Variants in ILK observed in about 807,000 individuals in gnomAD.
ILK encodes scaffold protein ILK.
ILK carries 37 observed loss-of-function variants against 57.8 expected under a neutral mutation model. That is an observed-to-expected ratio of 0.64 (90% CI 0.49 to 0.84). ILK has a LOEUF of 0.84. Ranked by LOEUF, ILK falls within the 40% of genes least tolerant of loss-of-function variation. The pLI is 0.00. For missense variants in ILK, 528 were observed against 595.7 expected, an observed-to-expected ratio of 0.89 and a Z score of 1.18; for synonymous variants, 231 against 202.2, an observed-to-expected ratio of 1.14 and a Z score of -1.21.
At position 6,609,620 on chromosome 11, in the gene ILK, T is replaced by G; in HGVS notation, c.837T>G (p.Asn279Lys). The G allele has an allele frequency of 6.2e-7, 1 of 1,614,146 alleles. No individual in the cohort carries two copies. The highest frequency in any genetic ancestry group is 2.2e-5 in the East Asian group (1 of 44,882). The change falls in exon 9 of 13, where the codon AAT becomes AAG. Residue 279 changes from asparagine to lysine, a missense_variant. By Grantham distance (94) the Asn-to-Lys change is moderately conservative. Transcript: ENST00000299421. ...GGATGCCGTATGGATCCCTCTACAA[T>G]GTACTACATGAAGGCACCAGTGAGT... The part of the protein sequence containing the change: ...THWMPYGSLY[N>K]VLHEGTNFVV...
chr11:6,606,327 G>A (rs1413539391), intron 2 of ILK: 1 of 152,224 alleles, frequency 6.6e-6, no homozygotes, highest in Non-Finnish European at 1.5e-5. Context: ...TTTAAAATTG[G>A]TGGAGTTTAG....
At chr11:6,609,691 T>C in intron 9 of ILK, 33 bp from the exon 10 acceptor site, 2 of 1,614,148 alleles carry the variant, frequency 1.2e-6, no homozygotes, top group Non-Finnish European at 1.7e-6. Flanking sequence ...AGAGGGAGCC[T>C]CTCTGAACTA....
In ILK at chr11:6,604,588, A is replaced by G. The variant is rs1854642432; in HGVS notation, c.89+228A>G. 1.1e-5 allele frequency: 7 copies of G among 618,928 alleles called. No homozygotes were observed. In the South Asian group the frequency reaches 1.3e-4, roughly 11 times the overall value. 38.3% of individuals were successfully genotyped at this position (618,928 alleles called of 1,614,324 possible). A position where few individuals can be genotyped will look rare whatever the true frequency, so the allele number is the denominator to read the frequency against. ...AGGCTACAGAGAGCTTTCCAGCCTC[A>G]GTAGACTGCATGGCCAAAGGCTAGG... On this transcript the variant is annotated intron_variant, in intron 2 of 12. Coordinates refer to ENST00000299421, the MANE Select transcript of ILK (RefSeq NM_004517.4).
chr11:6,608,824 C>T lies in ILK; in HGVS notation c.448+34C>T, dbSNP rs1457715366. On this transcript the variant is annotated intron_variant, in intron 5 of 12. Coordinates refer to ENST00000299421, the MANE Select transcript of ILK (RefSeq NM_004517.4). This position sits in a 1 kb window ranked among gnomAD's most constrained non-coding sequence, Gnocchi z 4.9. ...CCCCATCCCCTAGCTTGTGTCCTCT[C>T]GTCCCTTCCCACCTGTCTTCTCCCT... 1.4e-5 allele frequency: 22 copies of T among 1,611,934 alleles called. No homozygotes were observed. Among genetic ancestry groups the T allele is most frequent in the East Asian group, 2.2e-5 (1 of 44,876 alleles).
chr11:6,608,629 T>C lies in ILK; in HGVS notation c.352-65T>C, dbSNP rs745689134. 1.5e-5 allele frequency: 21 copies of C among 1,413,184 alleles called. No homozygotes were observed. Among genetic ancestry groups the C allele is most frequent in the Middle Eastern group, 3.5e-4 (2 of 5,660 alleles). The allele number at this position is 1,413,184 out of a possible 1,614,324, so 87.5% of individuals were successfully genotyped here. A position where few individuals can be genotyped will look rare whatever the true frequency, so the allele number is the denominator to read the frequency against. On this transcript the variant is annotated intron_variant, in intron 4 of 12. Coordinates refer to ENST00000299421, the MANE Select transcript of ILK (RefSeq NM_004517.4). This position sits in a 1 kb window ranked among gnomAD's most constrained non-coding sequence, Gnocchi z 4.9. ...ATTAAGTTCTACATTTGTGCATTCA[T>C]GGTTGGTTCAGTGACTGCCAGCGAG... is the stretch of plus-strand genomic sequence containing the variant.
chr11:6,607,839 G>A (rs1427639904), intron 2 of ILK: 10 of 593,138 alleles, frequency 1.7e-5, no homozygotes, highest in Non-Finnish European at 2.1e-5. Context: ...TTTTATAGAG[G>A]TTGTTGAGAT....
Position 6,604,335 on chromosome 11 carries a change from A to G in ILK, c.64A>G (p.Asn22Asp). The change falls in exon 2 of 13, where the codon AAC becomes GAC. Residue 22 changes from asparagine to aspartate, a missense_variant. Physicochemically the swap from Asn to Asp is conservative, Grantham distance 23. Coordinates refer to ENST00000299421, the MANE Select transcript of ILK (RefSeq NM_004517.4). ...NAVAVRLWLD[N>D]TENDLNQGDD... is the part of the protein sequence containing the mutation. ...AGTCGCCGTTCGCCTGTGGCTGGAC[A>G]ACACGGAGAACGACCTCAACCAGGG... 2 of 1,611,602 alleles carry G rather than the reference A, an allele frequency of 1.2e-6. No individual in the cohort carries two copies. The highest frequency in any genetic ancestry group is 1.7e-6 in the Non-Finnish European group (2 of 1,179,058).
chr11:6,610,819 C>A lies in ILK; in HGVS notation c.*208C>A. 6.9e-7 allele frequency: 1 copy of A among 1,445,364 alleles called. No homozygotes were observed. The highest frequency in any genetic ancestry group is 1.2e-5 in the South Asian group (1 of 84,752). 89.5% of individuals were successfully genotyped at this position (1,445,364 alleles called of 1,614,324 possible). On this transcript the variant is annotated 3_prime_UTR_variant, in exon 13 of 13. Transcript: ENST00000299421. ...TTTGTCACTTGCCACATGGTGTCTC[C>A]CAACATGGGAGGGATCAGCCCCGCC...
intron 1 of ILK, 108 bp from the exon 2 acceptor site, chr11:6,604,072 G>A (rs1854571935): frequency 1.6e-6 from 1 of 631,934 alleles, no homozygotes; most frequent in Admixed American, 2.4e-5. Flanking sequence ...GCGTCTAGAG[G>A]ACACAGCCAG....
At position 6,609,805 on chromosome 11, in the gene ILK, C is replaced by T; in HGVS notation, c.938C>T (p.Pro313Leu). 6.2e-7 allele frequency: 1 copy of T among 1,614,186 alleles called. No homozygotes were observed. Among genetic ancestry groups the T allele is most frequent in the Non-Finnish European group, 8.5e-7 (1 of 1,180,020 alleles). Residue 313 changes from proline (P) to leucine (L), a missense_variant, in exon 10 of 13, where the codon CCC (proline) becomes CTC (leucine). By Grantham distance (98) the Pro-to-Leu change is moderately conservative. Coordinates refer to ENST00000299421, the MANE Select transcript of ILK (RefSeq NM_004517.4). ...RGMAFLHTLE[P>L]LIPRHALNSR... is the part of the protein sequence containing the mutation. ...ATGGCCTTCCTACACACACTAGAGCCCCTCATCCCACGACATGCACTCAAT... is the reference window on the plus strand; with the variant it reads ...ATGGCCTTCCTACACACACTAGAGCTCCTCATCCCACGACATGCACTCAAT...
Position 6,609,517 on chromosome 11 carries a change from T to A in ILK, c.734T>A (p.Phe245Tyr), listed in dbSNP as rs869025438. 6 of 1,614,024 alleles carry A rather than the reference T, an allele frequency of 3.7e-6. No homozygotes were observed. In the African/African-American group the frequency reaches 6.7e-5, roughly 18 times the overall value. The part of the protein sequence containing the change: ...FNEECPRLRI[F>Y]SHPNVLPVLG... Reference sequence around the variant, plus strand: ...CCACTCCCTCCCTCTTCTAGGATTTTCTCGCATCCAAATGTGCTCCCAGTG... The same window carrying A: ...CCACTCCCTCCCTCTTCTAGGATTTACTCGCATCCAAATGTGCTCCCAGTG... Residue 245 changes from phenylalanine to tyrosine, a missense_variant, in exon 9 of 13, where the codon TTC becomes TAC. Physicochemically the swap from Phe to Tyr is conservative, Grantham distance 22 (BLOSUM62 3). Coordinates refer to ENST00000299421, the MANE Select transcript of ILK (RefSeq NM_004517.4).
Position 6,608,211 on chromosome 11 carries a change from G to A in ILK, c.255G>A (p.Lys85=). ...ATGGACACCGTGATATTGTACAGAAGGTACGTACAAACTCCTTCGTCATCC... is the reference window on the plus strand; with the variant it reads ...ATGGACACCGTGATATTGTACAGAAAGTACGTACAAACTCCTTCGTCATCC... The part of the protein sequence containing the change: ...ASHGHRDIVQ[K]LLQYKADINA... The change falls in exon 3 of 13, where the codon AAG becomes AAA. Residue 85 remains lysine, a splice_region_variant and synonymous_variant. Transcript: ENST00000299421. The surrounding 1 kb of genome is among the most constrained non-coding windows in gnomAD (Gnocchi z 4.9). The A allele has an allele frequency of 6.2e-7, 1 of 1,614,158 alleles. No homozygotes were observed. Among genetic ancestry groups the A allele is most frequent in the Non-Finnish European group, 8.5e-7 (1 of 1,180,008 alleles).
chr11:6,607,454 C>G (rs1182655517), intron 2 of ILK: 3 of 159,522 alleles, frequency 1.9e-5, no homozygotes, highest in African/African-American at 2.4e-5. Flanking sequence ...CAACATAAAC[C>G]CTTCCAAAAC....
chr11:6,609,222 T>G, intron 7 of ILK, 66 bp downstream of exon 7: 1 of 1,602,580 alleles, frequency 6.2e-7, no homozygotes, highest in East Asian at 2.2e-5. Context: ...TGTACCTGTT[T>G]TAAGTTTTTC....
chr11:6,603,989 C>T, intron 1 of ILK, 167 bp downstream of exon 1: 1 of 561,484 alleles, frequency 1.8e-6, no homozygotes, highest in Middle Eastern at 4.8e-4. Flanking sequence ...GTCTAGTTGC[C>T]TGCTCTCGGA....
chr11:6,603,908 C>A (rs762943270), intron 1 of ILK, 86 bp downstream of exon 1: 16 of 442,062 alleles, frequency 3.6e-5, no homozygotes, highest in Non-Finnish European at 5.0e-5. Flanking sequence ...TGGGGAGGAC[C>A]CCCGGTCCCC....
rs553103939 is a variant in ILK, at chr11:6,610,133, G to C, written c.1079-15G>C. 9 of 1,614,216 alleles carry C rather than the reference G, an allele frequency of 5.6e-6. No homozygotes were observed. In the East Asian group the frequency reaches 6.7e-5, roughly 12 times the overall value. Reference sequence around the variant, plus strand: ...CAGGCAAGGGGGCCAGAACAGACAAGCCCTATCTCTCCAGCTCTGCAGAAG... The same window carrying C: ...CAGGCAAGGGGGCCAGAACAGACAACCCCTATCTCTCCAGCTCTGCAGAAG... On this transcript the variant is annotated splice_polypyrimidine_tract_variant and intron_variant, in intron 11 of 12. Transcript: ENST00000299421.
Position 6,610,511 on chromosome 11 carries a change from A to G in ILK, c.1259A>G (p.His420Arg), listed in dbSNP as rs1300196118. 6.2e-7 allele frequency: 1 copy of G among 1,614,140 alleles called. No individual in the cohort carries two copies. Among genetic ancestry groups the G allele is most frequent in the East Asian group, 2.2e-5 (1 of 44,878 alleles). ...RPTIPPGISP[H>R]VCKLMKICMN... is the part of the protein sequence containing the mutation. Reference sequence around the variant, plus strand: ...ACCATCCCACCAGGTATTTCCCCTCATGTGTGTAAGCTCATGAAGATCTGC... The same window carrying G: ...ACCATCCCACCAGGTATTTCCCCTCGTGTGTGTAAGCTCATGAAGATCTGC... Residue 420 changes from histidine (H) to arginine (R), a missense_variant, in exon 13 of 13, where the codon CAT becomes CGT. By Grantham distance (29) the His-to-Arg change is conservative. Coordinates refer to ENST00000299421, the MANE Select transcript of ILK (RefSeq NM_004517.4).
chr11:6,608,853 T>A lies in ILK; in HGVS notation c.449-31T>A. 1.2e-6 allele frequency: 2 copies of A among 1,613,722 alleles called. No individual in the cohort carries two copies. Among genetic ancestry groups the A allele is most frequent in the Non-Finnish European group, 1.7e-6 (2 of 1,179,610 alleles). ...CCTTCCCACCTGTCTTCTCCCTCTG[T>A]ACCACAGCTTAGGTTGTTTTTCTTC... On this transcript the variant is annotated intron_variant, in intron 5 of 12. Coordinates refer to ENST00000299421, the MANE Select transcript of ILK (RefSeq NM_004517.4). The surrounding 1 kb of genome is among the most constrained non-coding windows in gnomAD (Gnocchi z 4.9).
Sources: allele counts gnomAD v4.1 joint callset, GRCh38; gene constraint gnomAD v4.1.1; non-coding constraint Gnocchi (gnomAD v3.1); transcripts MANE v1.5; gene names NCBI Gene and HGNC (gene_info 2026-07-23, HGNC 2026-07-21).